IL23R: variants seen among roughly 807,000 people sequenced by gnomAD.
The protein encoded by IL23R is interleukin-23 receptor.
IL23R carries 34 observed loss-of-function variants against 56.9 expected under a neutral mutation model. The observed-to-expected ratio is 0.60, with a 90% CI of 0.45 to 0.80. The LOEUF (loss-of-function observed/expected upper bound fraction) is 0.80. Ranked by LOEUF, IL23R falls within the 30% of genes least tolerant of loss-of-function variation. The pLI is 0.00. For synonymous variants in IL23R, 230 were observed against 249.2 expected (o/e 0.92, Z 0.73); for missense variants, 635 against 730.0 (o/e 0.87, Z 1.50).
chr1:67,217,294 T>C (rs1041439906), intron 6 of IL23R, among the ~76,000 whole-genome samples: 12 of 152,150 alleles, frequency 7.9e-5, no homozygotes, highest in African/African-American at 2.9e-4. Context: ...GTCCAGCTCT[T>C]TCAATGTTCA....
rs11465820 is a variant in IL23R at position 67,255,707 on chromosome 1, G to A, written c.1149-130G>A. ...TCCCACCTCAGCCTCCCAAAGTGCT[G>A]GGATTACAGGCATGAGCCACTGTGC... On this transcript the variant is annotated intron_variant, in intron 9 of 10. Coordinates refer to ENST00000347310, the MANE Select transcript of IL23R (RefSeq NM_144701.3). 1.6e-3 allele frequency: 947 copies of A among 589,474 alleles called. 5 individuals are homozygous for A. Among genetic ancestry groups the A allele is most frequent in the African/African-American group, 0.015 (833 of 54,162 alleles). The allele number at this position is 589,474 out of a possible 1,614,324, so 36.5% of individuals were successfully genotyped here.
At chr1:67,164,828 AT>A (rs1003293911), upstream of IL23R, among the ~76,000 whole-genome samples, 5 of 151,300 alleles carry the variant, frequency 3.3e-5, no homozygotes, top group Non-Finnish European at 2.9e-5. Context: ...ACCTGAATAG[AT>A]TTTTTTTTCA....
chr1:67,213,747 G>C (rs1330065117), intron 6 of IL23R, among the ~76,000 whole-genome samples: 1 of 152,144 alleles, frequency 6.6e-6, no homozygotes, highest in Non-Finnish European at 1.5e-5. Context: ...TATGATGTTC[G>C]TACAATGATG....
chr1:67,174,189 T>C (rs920228111), intron 3 of IL23R, among the ~76,000 whole-genome samples: 1 of 152,042 alleles, frequency 6.6e-6, no homozygotes, highest in Non-Finnish European at 1.5e-5. Flanking sequence ...AATTGCTGAG[T>C]TGCAAAATAT....
the IL23R span, among the ~76,000 whole-genome samples, chr1:67,265,734 G>C: frequency 6.6e-6 from 1 of 152,114 alleles, no homozygotes; most frequent in Non-Finnish European, 1.5e-5. Context: ...AGACAGAAAG[G>C]AAGATAAAAT....
At chr1:67,191,930 T>G (rs545690996) in intron 4 of IL23R, among the ~76,000 whole-genome samples, 1 of 152,028 alleles carries the variant, frequency 6.6e-6, no homozygotes, top group South Asian at 2.1e-4. Context: ...TCATTTCAGA[T>G]AAATTCATAG....
intron 9 of IL23R, among the ~76,000 whole-genome samples, chr1:67,253,660 G>A (rs1354676920): frequency 6.6e-6 from 1 of 152,062 alleles, no homozygotes; most frequent in Non-Finnish European, 1.5e-5. Flanking sequence ...ACCCTTGTAA[G>A]GAAGGCAAAC....
At chr1:67,199,270 T>G (rs1306898859) in intron 4 of IL23R, among the ~76,000 whole-genome samples, 1 of 152,184 alleles carries the variant, frequency 6.6e-6, no homozygotes, top group Non-Finnish European at 1.5e-5. Flanking sequence ...AGAAATGTCA[T>G]GTTATTTCAC....
intron 1 of IL23R, among the ~76,000 whole-genome samples, chr1:67,159,633 T>G (rs186489669): frequency 3.0e-4 from 46 of 152,264 alleles, no homozygotes; most frequent in Middle Eastern, 6.8e-3. Flanking sequence ...CAGTGGTGCA[T>G]GCTTGTGGTC....
chr1:67,175,726 GA>G (rs1646999120), intron 3 of IL23R, among the ~76,000 whole-genome samples: 1 of 152,208 alleles, frequency 6.6e-6, no homozygotes, highest in African/African-American at 2.4e-5. Context: ...CTTTTAAAAT[GA>G]GTAGTGGAAA....
chr1:67,218,377 T>C (rs1393063971), intron 6 of IL23R, among the ~76,000 whole-genome samples: 2 of 151,060 alleles, frequency 1.3e-5, no homozygotes, highest in East Asian at 3.9e-4. Flanking sequence ...TATATATGTA[T>C]GTATTATTGG....
chr1:67,207,615 C>A, intron 6 of IL23R: 1 of 392,346 alleles, frequency 2.5e-6, no homozygotes, highest in South Asian at 2.0e-5. Flanking sequence ...TTTGCTTCTT[C>A]CTCATTTTCT....
intron 7 of IL23R, among the ~76,000 whole-genome samples, chr1:67,233,122 G>C (rs936230276): frequency 2.0e-5 from 3 of 148,386 alleles, no homozygotes; most frequent in African/African-American, 7.5e-5. Flanking sequence ...GCTGAAGCAG[G>C]TGGATCACCT....
intron 1 of IL23R, chr1:67,139,231 A>G (rs1646612202): frequency 6.6e-6 from 1 of 152,216 alleles, no homozygotes; most frequent in African/African-American, 2.4e-5. Context: ...GACTGATAAT[A>G]TGCTCAACAA....
chr1:67,138,698 C>T (rs755038317), upstream of IL23R, among the ~76,000 whole-genome samples: 16 of 152,166 alleles, frequency 1.1e-4, no homozygotes, highest in Non-Finnish European at 1.6e-4. Flanking sequence ...ACCCATGGTA[C>T]AGAAAGTGAC....
chr1:67,205,113 C>T (rs996169136), intron 5 of IL23R, among the ~76,000 whole-genome samples: 1 of 152,136 alleles, frequency 6.6e-6, no homozygotes, highest in African/African-American at 2.4e-5. Flanking sequence ...GAAGCTTGCA[C>T]TAGCAAAAGG....
rs75920049 is a variant in IL23R, at chr1:67,257,633, A to G, written c.1240-845A>G. 5.9e-3 allele frequency among the ~76,000 whole-genome samples: 898 copies of G among 152,278 alleles called. 3 individuals are homozygous for G. The highest frequency in any genetic ancestry group is 8.4e-3 in the Non-Finnish European group (574 of 68,010). ...CCATTTATTGCCCAGAAAAGTCATC[A>G]GGCTAAAACCTTCACCCACCCTCCT... On this transcript the variant is annotated intron_variant, in intron 10 of 10. Coordinates refer to ENST00000347310, the MANE Select transcript of IL23R (RefSeq NM_144701.3).
intron 6 of IL23R, among the ~76,000 whole-genome samples, chr1:67,212,820 G>T (rs539111795): frequency 1.8e-3 from 268 of 152,190 alleles, no homozygotes; most frequent in African/African-American, 6.3e-3. Flanking sequence ...CTCCCAAAGT[G>T]CTGGTATTAC....
intron 1 of IL23R, among the ~76,000 whole-genome samples, chr1:67,152,828 T>A (rs1646740176): frequency 6.6e-6 from 1 of 152,204 alleles, no homozygotes; most frequent in East Asian, 1.9e-4. Flanking sequence ...AGCTTTTTGA[T>A]GTGCTCCTGG....
Sources: gnomAD v4.1 joint callset for allele counts (sites outside exome capture counted in the v4.1 genomes callset) on GRCh38, gnomAD v4.1.1 for gene constraint, MANE v1.5 for transcripts, NCBI Gene and HGNC (gene_info 2026-07-23, HGNC 2026-07-21) for gene names.